ARNT: variants seen among roughly 807,000 people sequenced by gnomAD.
ARNT encodes class E basic helix-loop-helix protein 2.
ARNT carries 30 observed loss-of-function variants against 105.0 expected under a neutral mutation model. The observed-to-expected ratio is 0.29, with a 90% CI of 0.21 to 0.39. The LOEUF (loss-of-function observed/expected upper bound fraction) is 0.39. ARNT is among the 10% of genes least tolerant of loss of function. The pLI is 1.00. For synonymous variants in ARNT, 304 were observed against 344.0 expected, an observed-to-expected ratio of 0.88 and a Z score of 1.29; for missense variants, 748 against 978.7, an observed-to-expected ratio of 0.76 and a Z score of 3.15.
rs954239611 is a variant in ARNT at position 150,839,748 on chromosome 1, G to A, written c.273-94C>T. On this transcript the variant is annotated intron_variant, in intron 5 of 21. Coordinates refer to ENST00000358595, the MANE Select transcript of ARNT (RefSeq NM_001668.4). Reference sequence around the variant, plus strand: ...TATGGATACCAAGTGTGCTGCTGAAGAATGTGGTATTCAGATTTAGTGATG... The same window carrying A: ...TATGGATACCAAGTGTGCTGCTGAAAAATGTGGTATTCAGATTTAGTGATG... 2.4e-5 allele frequency: 31 copies of A among 1,289,618 alleles called. No homozygotes were observed. In the Admixed American group the frequency reaches 6.3e-4, roughly 26 times the overall value. The allele number at this position is 1,289,618 out of a possible 1,614,324, so 79.9% of individuals were successfully genotyped here.
intron 13 of ARNT, among the ~76,000 whole-genome samples, chr1:150,823,590 G>A (rs762339056): frequency 1.9e-4 from 26 of 139,394 alleles, no homozygotes; most frequent in Non-Finnish European, 3.7e-4. Context: ...TCCCTCTGTC[G>A]CCCAGGCTGG....
chr1:150,876,278 C>T (rs961010740), intron 1 of ARNT, among the ~76,000 whole-genome samples: 10 of 152,212 alleles, frequency 6.6e-5, no homozygotes, highest in African/African-American at 1.9e-4. Context: ...CAGCCCCGCA[C>T]TGGCTGCCGC....
chr1:150,855,434 CGCCT>C (rs1436991226), intron 2 of ARNT, among the ~76,000 whole-genome samples: 3 of 151,548 alleles, frequency 2.0e-5, no homozygotes, highest in African/African-American at 4.9e-5. Flanking sequence ...TGGTGGTGGA[CGCCT>C]GTAGTCCCAG....
chr1:150,857,673 T>C (rs1434804855), intron 2 of ARNT, among the ~76,000 whole-genome samples: 2 of 152,202 alleles, frequency 1.3e-5, no homozygotes, highest in African/African-American at 4.8e-5. Flanking sequence ...GGCAACCTCC[T>C]TTCTGAAGCT....
rs1655983814 is a variant in ARNT at position 150,816,815 on chromosome 1, G to A, written c.1775C>T (p.Pro592Leu). The change falls in exon 18 of 22, where the codon CCT becomes CTT. Residue 592 changes from proline (P) to leucine (L), a missense_variant. Transcript: ENST00000358595. ...QLFSQGNTFPPTPRPAENFRN... is the reference protein window; with the variant it reads ...QLFSQGNTFPLTPRPAENFRN... ...GAAATTCTCTGCCGGCCGGGGGGTA[G>A]GAGGGAATGTGTTGCCCTGGGAGAA... 6.3e-7 allele frequency: 1 copy of A among 1,586,964 alleles called. No individual in the cohort carries two copies. The highest frequency in any genetic ancestry group is 2.2e-5 in the East Asian group (1 of 44,778).
chr1:150,837,698 C>T (rs753020470), intron 6 of ARNT, among the ~76,000 whole-genome samples: 8 of 152,116 alleles, frequency 5.3e-5, no homozygotes, highest in Middle Eastern at 3.2e-3. Context: ...TTCACTCTTC[C>T]CCACTACGAA....
At chr1:150,828,179 A>G (rs10305714) in intron 12 of ARNT, among the ~76,000 whole-genome samples, 52,361 of 151,830 alleles carry the variant, frequency 0.34, 9,378 homozygotes, top group South Asian at 0.53. Context: ...TCTTCTGTGA[A>G]TCATGCTTTT....
In ARNT at chr1:150,820,149, T is replaced by C. The variant is rs74127025; in HGVS notation, c.1395-2119A>G. On this transcript the variant is annotated intron_variant, in intron 14 of 21. Transcript: ENST00000358595. ...GTTTTCATGCTACAGCAGAGTTGAG[T>C]AGGTGGAATAAAGACCACATGGCCC... Among the ~76,000 whole-genome samples, 572 of 152,220 alleles carry C rather than the reference T, an allele frequency of 3.8e-3. 3 individuals carry two copies. The highest frequency in any genetic ancestry group is 0.013 in the African/African-American group (544 of 41,528).
chr1:150,834,468 C>A, intron 8 of ARNT, 70 bp downstream of exon 8: 2 of 1,483,902 alleles, frequency 1.3e-6, no homozygotes, highest in South Asian at 2.3e-5. Flanking sequence ...CAACTTAACT[C>A]TGACAGAAAT....
chr1:150,861,795 C>A (rs1665690719), intron 1 of ARNT, among the ~76,000 whole-genome samples: 1 of 152,168 alleles, frequency 6.6e-6, no homozygotes, highest in African/African-American at 2.4e-5. Context: ...CCATGTAGGG[C>A]TTTTCACCTT....
chr1:150,847,234 C>T (rs1360686099), intron 3 of ARNT, among the ~76,000 whole-genome samples: 1 of 152,058 alleles, frequency 6.6e-6, no homozygotes, highest in East Asian at 1.9e-4. Context: ...AGATCCAGAC[C>T]ACTCTGGCCA....
At chr1:150,852,827 A>G in intron 2 of ARNT, 21 bp from the exon 3 acceptor site, 5 of 1,613,992 alleles carry the variant, frequency 3.1e-6, no homozygotes, top group Non-Finnish European at 4.2e-6. Context: ...CCAACAATAA[A>G]TACTTTAAGC....
At chr1:150,872,948 CA>C (rs1166288933) in intron 1 of ARNT, among the ~76,000 whole-genome samples, 2 of 151,728 alleles carry the variant, frequency 1.3e-5, no homozygotes, top group African/African-American at 4.8e-5. Context: ...AGTGACAGAG[CA>C]AGACCCTCTC....
intron 4 of ARNT, among the ~76,000 whole-genome samples, chr1:150,844,222 ATTC>A (rs894472164): frequency 6.6e-6 from 1 of 152,216 alleles, no homozygotes; most frequent in Non-Finnish European, 1.5e-5. Flanking sequence ...TAAACAAATT[ATTC>A]TTCAAAAACC....
At chr1:150,871,787 A>T (rs370470920) in intron 1 of ARNT, among the ~76,000 whole-genome samples, 1 of 150,150 alleles carries the variant, frequency 6.7e-6, no homozygotes, top group Admixed American at 6.6e-5. Flanking sequence ...AGGTGCCTGT[A>T]ATCCCAGCTA....
chr1:150,874,948 A>C (rs1488694776), intron 1 of ARNT, among the ~76,000 whole-genome samples: 1 of 152,030 alleles, frequency 6.6e-6, no homozygotes, highest in Non-Finnish European at 1.5e-5. Context: ...GTTGTTCAAA[A>C]AACAAAACAA....
intron 7 of ARNT, 93 bp from the exon 8 acceptor site, chr1:150,834,733 A>C: frequency 9.3e-7 from 1 of 1,072,678 alleles, no homozygotes; most frequent in Non-Finnish European, 1.4e-6. Flanking sequence ...TAAGCATCCT[A>C]TTCATGCCCT....
chr1:150,851,308 T>A (rs1316994945), intron 3 of ARNT, among the ~76,000 whole-genome samples: 24 of 151,784 alleles, frequency 1.6e-4, no homozygotes, highest in African/African-American at 5.6e-4. Flanking sequence ...GGCCACCCCT[T>A]CTGGGAAGTG....
Position 150,836,473 on chromosome 1 carries a change from C to A in ARNT, c.507G>T (p.Leu169Phe). 6.2e-7 allele frequency: 1 copy of A among 1,614,016 alleles called. No individual in the cohort carries two copies. Among genetic ancestry groups the A allele is most frequent in the East Asian group, 2.2e-5 (1 of 44,878 alleles). ...LTDQELKHLI[L>F]EAADGFLFIV... ...TAAACAGAAAGCCATCTGCTGCCTC[C>A]AAGATCAAATGTTTCAGTTCCTGCG... The change falls in exon 7 of 22, where the codon TTG becomes TTT. Residue 169 changes from leucine to phenylalanine, a missense_variant. Physicochemically the swap from Leu to Phe is conservative, Grantham distance 22. Transcript: ENST00000358595.
Sources: allele counts gnomAD v4.1 joint callset (sites outside exome capture counted in the v4.1 genomes callset), GRCh38; gene constraint gnomAD v4.1.1; transcripts MANE v1.5; gene names NCBI Gene and HGNC (gene_info 2026-07-23, HGNC 2026-07-21).